BFSP1: variants seen among roughly 807,000 people sequenced by gnomAD.
The protein encoded by BFSP1 is beaded filament structural protein 1.
In BFSP1, 38 loss-of-function variants were observed where a neutral mutation model predicts 43.9. The observed-to-expected ratio is 0.87, with a 90% CI of 0.67 to 1.14. The LOEUF (loss-of-function observed/expected upper bound fraction) is 1.14, where lower values mean the gene tolerates loss of function less well. BFSP1 is among the 50% of genes most tolerant of loss of function. The pLI is 0.00. For synonymous variants in BFSP1, 352 were observed against 354.8 expected (o/e 0.99, Z 0.09); for missense variants, 850 against 875.1 (o/e 0.97, Z 0.36).
chr20:17,518,725 C>T (rs2034255468), intron 2 of BFSP1, among the ~76,000 whole-genome samples: 1 of 152,188 alleles, frequency 6.6e-6, no homozygotes, highest in Non-Finnish European at 1.5e-5. Flanking sequence ...ACCAGCCAGA[C>T]CTCAGGAAAG....
upstream of BFSP1, among the ~76,000 whole-genome samples, chr20:17,561,443 G>A (rs548603338): frequency 7.2e-5 from 11 of 151,802 alleles, no homozygotes; most frequent in African/African-American, 2.2e-4. Flanking sequence ...AGGTTGCAGC[G>A]AGCCCAGATC....
At chr20:17,511,624 C>T (rs2034081274) in intron 4 of BFSP1, among the ~76,000 whole-genome samples, 1 of 152,166 alleles carries the variant, frequency 6.6e-6, no homozygotes, top group African/African-American at 2.4e-5. Context: ...GACAGGAAGC[C>T]ACAGAAACCC....
In BFSP1 at chr20:17,512,652, G is replaced by T. The variant is rs546299940; in HGVS notation, c.535-584C>A. On this transcript the variant is annotated intron_variant, in intron 3 of 7. Transcript: ENST00000377873. ...GGATCACTTGAACCTGGGGGTGGGTGGAGGCTGCAGTGAGTTGTGATCACC... is the reference window on the plus strand; with the variant it reads ...GGATCACTTGAACCTGGGGGTGGGTTGAGGCTGCAGTGAGTTGTGATCACC... Among the ~76,000 whole-genome samples, 9 of 152,278 alleles carry T rather than the reference G, an allele frequency of 5.9e-5. No individual in the cohort carries two copies. In the South Asian group the frequency reaches 1.9e-3, roughly 32 times the overall value.
intron 1 of BFSP1, among the ~76,000 whole-genome samples, chr20:17,540,109 A>C (rs1156986286): frequency 6.6e-6 from 1 of 152,180 alleles, no homozygotes; most frequent in African/African-American, 2.4e-5. Flanking sequence ...GTCAGTTTAC[A>C]GAAGTTCGCC....
chr20:17,545,456 G>C (rs2034784070), intron 1 of BFSP1, among the ~76,000 whole-genome samples: 1 of 152,212 alleles, frequency 6.6e-6, no homozygotes, highest in Non-Finnish European at 1.5e-5. Context: ...AAAAGGCATG[G>C]TTAAACATTA....
upstream of BFSP1, chr20:17,531,437 T>C: frequency 4.1e-6 from 5 of 1,233,828 alleles, no homozygotes; most frequent in Non-Finnish European, 5.1e-6. Flanking sequence ...GGCGCGCTGC[T>C]GGGACGTTCC....
chr20:17,513,803 G>T (rs1336129876), intron 3 of BFSP1, among the ~76,000 whole-genome samples: 2 of 152,256 alleles, frequency 1.3e-5, no homozygotes, highest in Non-Finnish European at 2.9e-5. Flanking sequence ...AGAGCAGTCA[G>T]CGAGGGCTAT....
chr20:17,531,206 C>A lies in BFSP1; in HGVS notation c.124G>T (p.Ala42Ser). ...CGCTCGCCGAGCCCCTGCAGCGCCG[C>A]CAGGCTCGTTGCCCCAGCCCAGCCC... ...DEGWAGATSL[A>S]ALQGLGERVA... Residue 42 changes from alanine to serine, a missense_variant, in exon 1 of 8, where the codon GCG becomes TCG. Coordinates refer to ENST00000377873, the MANE Select transcript of BFSP1 (RefSeq NM_001195.5). 7.6e-7 allele frequency: 1 copy of A among 1,319,670 alleles called. No individual in the cohort carries two copies. Among genetic ancestry groups the A allele is most frequent in the Non-Finnish European group, 9.7e-7 (1 of 1,035,664 alleles). The allele number at this position is 1,319,670 out of a possible 1,614,324, so 81.7% of individuals were successfully genotyped here.
At chr20:17,514,873 C>T in intron 2 of BFSP1, 57 bp from the exon 3 acceptor site, 3 of 1,527,926 alleles carry the variant, frequency 2.0e-6, no homozygotes, top group Middle Eastern at 2.1e-4. Flanking sequence ...AGGGGTAAAG[C>T]TGGCCGGGTA....
At chr20:17,514,567 T>C (rs927724640) in intron 3 of BFSP1, among the ~76,000 whole-genome samples, 154 bp downstream of exon 3, 4 of 152,168 alleles carry the variant, frequency 2.6e-5, no homozygotes, top group African/African-American at 7.2e-5. Flanking sequence ...CAGTAAGCAC[T>C]GTCCAGTGAC....
chr20:17,516,383 G>A (rs78229364), intron 2 of BFSP1, among the ~76,000 whole-genome samples: 4 of 152,036 alleles, frequency 2.6e-5, no homozygotes, highest in Non-Finnish European at 5.9e-5. Flanking sequence ...TTCCTTAATT[G>A]CTCTTGTGAA....
exon 1 of BFSP1, chr20:17,558,824 G>T: frequency 2.2e-6 from 3 of 1,334,822 alleles, no homozygotes; most frequent in Non-Finnish European, 3.0e-6. Flanking sequence ...CCAGGTCTGG[G>T]CTGAGAAAGA....
chr20:17,521,424 A>G (rs1380502423), intron 2 of BFSP1, among the ~76,000 whole-genome samples: 4 of 152,234 alleles, frequency 2.6e-5, no homozygotes, highest in Non-Finnish European at 5.9e-5. Context: ...AGTAGGATGC[A>G]AAGACTGGAT....
chr20:17,497,213 C>A (rs987238726), intron 6 of BFSP1, among the ~76,000 whole-genome samples, 190 bp from the exon 7 acceptor site: 1 of 152,046 alleles, frequency 6.6e-6, no homozygotes, highest in Non-Finnish European at 1.5e-5. Flanking sequence ...GTGATCATTT[C>A]TTTGAGCTCA....
chr20:17,566,720 TCTCAG>T (rs2035124096), intron 1 of BFSP1, among the ~76,000 whole-genome samples: 2 of 152,162 alleles, frequency 1.3e-5, no homozygotes, highest in Non-Finnish European at 2.9e-5. Context: ...AGTGGCACGA[TCTCAG>T]CTCACTGCAG....
intron 1 of BFSP1, among the ~76,000 whole-genome samples, chr20:17,548,194 A>G (rs371548624): frequency 5.2e-5 from 7 of 135,104 alleles, no homozygotes; most frequent in African/African-American, 1.1e-4. Context: ...AAAAAAAAAA[A>G]AAAAAGAAAA....
chr20:17,497,601 T>A lies in BFSP1; in HGVS notation c.957-578A>T, dbSNP rs1398887680. 3.3e-5 allele frequency among the ~76,000 whole-genome samples: 4 copies of A among 122,316 alleles called. No individual in the cohort carries two copies. The South Asian group carries it at 1.2e-3, about 37-fold the overall frequency. 80.2% of individuals were successfully genotyped at this position (122,316 alleles called of 152,430 possible). ...ATATACGTATATATATACGTGTATA[T>A]ATATACGTATATATACATATACACA... On this transcript the variant is annotated intron_variant, in intron 6 of 7. Transcript: ENST00000377873.
intron 5 of BFSP1, among the ~76,000 whole-genome samples, chr20:17,503,746 C>T (rs138771131): frequency 4.5e-4 from 68 of 152,348 alleles, no homozygotes; most frequent in Non-Finnish European, 7.9e-4. Flanking sequence ...CGTGCACACA[C>T]ACACACTCTG....
chr20:17,542,664 T>C (rs1217999979), intron 1 of BFSP1, among the ~76,000 whole-genome samples: 2 of 152,158 alleles, frequency 1.3e-5, no homozygotes, highest in Non-Finnish European at 2.9e-5. Context: ...AATAATACCA[T>C]ATCTCTGGTG....
Sources: allele counts gnomAD v4.1 joint callset (sites outside exome capture counted in the v4.1 genomes callset), GRCh38; gene constraint gnomAD v4.1.1; transcripts MANE v1.5; gene names NCBI Gene and HGNC (gene_info 2026-07-23, HGNC 2026-07-21).